The following CREM variants were observed in gnomAD, a reference collection of about 807,000 sequenced individuals.
The protein encoded by CREM is cAMP-responsive element modulator.
In CREM, 13 loss-of-function variants were observed where a neutral mutation model predicts 37.3. The observed-to-expected ratio is 0.35, with a 90% confidence interval of 0.23 to 0.55. CREM has a LOEUF of 0.55. Ranked by LOEUF, CREM falls within the 20% of genes least tolerant of loss-of-function variation. The pLI is 0.88. For synonymous variants in CREM, 124 were observed against 120.2 expected, an observed-to-expected ratio of 1.03 and a Z score of -0.21; for missense variants, 296 against 362.3, an observed-to-expected ratio of 0.82 and a Z score of 1.49.
At chr10:35,210,421 T>A (rs1462679238) in intron 7 of CREM, 1 of 152,236 alleles carries the variant, frequency 6.6e-6, no homozygotes, top group African/African-American at 2.4e-5. Context: ...TTTGTGTTGT[T>A]GCTTTGGCTA....
intron 3 of CREM, among the ~76,000 whole-genome samples, chr10:35,150,648 C>A (rs775237446): frequency 6.6e-6 from 1 of 152,004 alleles, no homozygotes; most frequent in African/African-American, 2.4e-5. Context: ...ATGAAGAAAC[C>A]CTGTCTCTAC....
At chr10:35,179,828 A>AAC (rs1277073458) in intron 5 of CREM, 6 of 152,532 alleles carry the variant, frequency 3.9e-5, no homozygotes, top group African/African-American at 1.4e-4. Context: ...GCTCTAAATA[A>AAC]ACAGATACAT....
intron 1 of CREM, among the ~76,000 whole-genome samples, chr10:35,132,135 AG>A (rs1325450356): frequency 7.0e-6 from 1 of 143,344 alleles, no homozygotes. Context: ...CGGGAGTTGG[AG>A]GTTGCAGTGA....
At chr10:35,186,205 T>C (rs1280859763) in intron 5 of CREM, among the ~76,000 whole-genome samples, 1 of 152,200 alleles carries the variant, frequency 6.6e-6, no homozygotes, top group African/African-American at 2.4e-5. Context: ...CCATTTAATA[T>C]CTACTGTTTG....
chr10:35,145,288 A>C (rs1455746575), intron 2 of CREM, among the ~76,000 whole-genome samples: 1 of 151,354 alleles, frequency 6.6e-6, no homozygotes, highest in East Asian at 1.9e-4. Flanking sequence ...CCTCACCCAG[A>C]TTTTCTACTC....
At chr10:35,131,017 G>T (rs1049323793) in intron 1 of CREM, among the ~76,000 whole-genome samples, 2 of 152,132 alleles carry the variant, frequency 1.3e-5, no homozygotes, top group African/African-American at 2.4e-5. Context: ...AAATGCATAG[G>T]CTATAAAACT....
In CREM at chr10:35,141,637, T is replaced by TAAACATCTCCTGCA. The variant is rs1268378202; in HGVS notation, c.44+3758_44+3759insAAACATCTCCTGCA. Among the ~76,000 whole-genome samples, 14 of 152,256 alleles carry TAAACATCTCCTGCA rather than the reference T, an allele frequency of 9.2e-5. No individual in the cohort carries two copies. In the East Asian group the frequency reaches 2.7e-3, roughly 29 times the overall value. ...TTGAGGTTCCTGCAGGACATGTGTT[T>TAAACATCTCCTGCA]GGAGATGTTAAACAGGGATTTGCAT... On this transcript the variant is annotated intron_variant, in intron 2 of 7. Coordinates refer to ENST00000685392, the MANE Select transcript of CREM (RefSeq NM_183011.2).
intron 2 of CREM, among the ~76,000 whole-genome samples, chr10:35,147,683 A>G (rs1409807254): frequency 6.6e-6 from 1 of 152,328 alleles, no homozygotes; most frequent in African/African-American, 2.4e-5. Context: ...CTTAAGAATC[A>G]TAGAATATTT....
chr10:35,167,090 G>A (rs904737697), intron 3 of CREM, among the ~76,000 whole-genome samples: 14 of 152,132 alleles, frequency 9.2e-5, no homozygotes, highest in Non-Finnish European at 1.8e-4. Flanking sequence ...GCAGTGAGCC[G>A]AGATCGCACC....
At chr10:35,165,500 T>C (rs2093506808) in intron 3 of CREM, among the ~76,000 whole-genome samples, 1 of 152,170 alleles carries the variant, frequency 6.6e-6, no homozygotes, top group African/African-American at 2.4e-5. Flanking sequence ...TAATTCTTCT[T>C]TCCTGTTGCA....
intron 6 of CREM, 33 bp downstream of exon 6, chr10:35,188,421 C>T: frequency 7.8e-6 from 12 of 1,541,976 alleles, no homozygotes; most frequent in Non-Finnish European, 1.1e-5. Context: ...ATTTAGAATA[C>T]CTATGGATTA....
intron 2 of CREM, among the ~76,000 whole-genome samples, chr10:35,142,747 A>G (rs1009611141): frequency 6.6e-6 from 1 of 152,126 alleles, no homozygotes; most frequent in African/African-American, 2.4e-5. Flanking sequence ...CTGGGACTAC[A>G]GGTGCCCATC....
At chr10:35,132,908 A>G (rs1161839773) in intron 1 of CREM, among the ~76,000 whole-genome samples, 1 of 152,196 alleles carries the variant, frequency 6.6e-6, no homozygotes, top group Non-Finnish European at 1.5e-5. Context: ...TTCAAACTTT[A>G]TTGCTCTTGC....
At chr10:35,149,923 CA>C (rs1589466693) in intron 3 of CREM, among the ~76,000 whole-genome samples, 1 of 150,950 alleles carries the variant, frequency 6.6e-6, no homozygotes, top group African/African-American at 2.4e-5. Context: ...CACACACACA[CA>C]CACACACACA....
At chr10:35,164,363 G>C (rs563866656) in intron 3 of CREM, among the ~76,000 whole-genome samples, 1 of 152,158 alleles carries the variant, frequency 6.6e-6, no homozygotes, top group Non-Finnish European at 1.5e-5. Context: ...ATTGTATTCG[G>C]AATCCTTTGT....
At position 35,158,817 on chromosome 10, in the gene CREM, G is replaced by GT. The variant is rs1491230780; in HGVS notation, c.168+10329dup. Among the ~76,000 whole-genome samples the GT allele has an allele frequency of 1.4e-3, 91 of 65,036 alleles. 4 individuals carry two copies. Among genetic ancestry groups the GT allele is most frequent in the African/African-American group, 4.0e-3 (87 of 21,956 alleles). The allele number at this position is 65,036 out of a possible 152,430, so 42.7% of individuals were successfully genotyped here. ...TATAGTGTTTTTTTTTTGTTGTTTT[G>GT]TTTGTTTTTTTTTTTTTTTTACAGA... is the stretch of plus-strand genomic sequence containing the variant. On this transcript the variant is annotated intron_variant, in intron 3 of 7. Transcript: ENST00000685392.
intron 1 of CREM, among the ~76,000 whole-genome samples, chr10:35,136,714 G>A (rs984785967): frequency 6.6e-6 from 1 of 151,880 alleles, no homozygotes; most frequent in Non-Finnish European, 1.5e-5. Context: ...TGCTGTTGCT[G>A]GCAGAGGTAT....
chr10:35,207,177 G>T, intron 7 of CREM, 126 bp downstream of exon 7: 1 of 919,746 alleles, frequency 1.1e-6, no homozygotes, highest in South Asian at 1.7e-5. Flanking sequence ...CGGATCACAG[G>T]GTCAGGAGAT....
chr10:35,187,272 T>G (rs1373177994), intron 5 of CREM, among the ~76,000 whole-genome samples: 5 of 83,800 alleles, frequency 6.0e-5, no homozygotes, highest in African/African-American at 1.6e-4. Context: ...TGTATGTTGG[T>G]TTTTTTTTTT....
Sources: gnomAD v4.1 joint callset for allele counts (sites outside exome capture counted in the v4.1 genomes callset) on GRCh38, gnomAD v4.1.1 for gene constraint, MANE v1.5 for transcripts, NCBI Gene and HGNC (gene_info 2026-07-23, HGNC 2026-07-21) for gene names.